Variants in DEGS2 observed in about 807,000 individuals in gnomAD.
DEGS2 encodes delta 4-desaturase, sphingolipid 2, also known as sphingolipid delta(4)-desaturase/C4-monooxygenase DES2.
DEGS2 carries 19 observed loss-of-function variants against 23.8 expected under a neutral mutation model. The ratio of observed to expected loss-of-function variants is 0.80; its 90% CI spans 0.56 to 1.17. DEGS2 has a LOEUF of 1.17. Among genes scored for constraint, DEGS2 ranks in the 50% most tolerant of loss-of-function variants. DEGS2 has a pLI of 0.00. For synonymous variants in DEGS2, 218 were observed against 213.7 expected (o/e 1.02, Z -0.18); for missense variants, 390 against 459.5 (o/e 0.85, Z 1.38).
Position 100,147,056 on chromosome 14 carries a change from CAT to C in DEGS2, c.826-151_826-150del, listed in dbSNP as rs757260247. ...GCGCGCGCGCACACCCACACACACA[CAT>C]GGGTGTACATAATGCAAACACACCG... On this transcript the variant is annotated intron_variant, in intron 2 of 2. Transcript: ENST00000305631. 853 of 874,370 alleles carry C rather than the reference CAT, an allele frequency of 9.8e-4. 2 individuals are homozygous for C. Among genetic ancestry groups the C allele is most frequent in the Middle Eastern group, 3.3e-3 (10 of 2,994 alleles). 54.2% of individuals were successfully genotyped at this position (874,370 alleles called of 1,614,324 possible). A position where few individuals can be genotyped will look rare whatever the true frequency, so the allele number is the denominator to read the frequency against.
intron 1 of DEGS2, among the ~76,000 whole-genome samples, chr14:100,155,893 C>G (rs567066422): frequency 6.6e-6 from 1 of 152,140 alleles, no homozygotes; most frequent in Non-Finnish European, 1.5e-5. Context: ...GAGCTTGCCT[C>G]TTACTCCACC....
At position 100,156,591 on chromosome 14, in the gene DEGS2, T is replaced by A. The variant is rs1046091065; in HGVS notation, c.82+2915A>T. ...GACTCACCCGTGGCTAATAAGTGGG[T>A]GTCAGGGTCCTTGCCAGGGGTTCAG... On this transcript the variant is annotated intron_variant, in intron 1 of 2. Transcript: ENST00000305631. 8.5e-5 allele frequency among the ~76,000 whole-genome samples: 13 copies of A among 152,132 alleles called. 1 individual carries two copies. The highest frequency in any genetic ancestry group is 6.6e-4 in the Admixed American group (10 of 15,264).
intron 1 of DEGS2, among the ~76,000 whole-genome samples, chr14:100,154,666 G>GC (rs1161357001): frequency 6.6e-6 from 1 of 152,246 alleles, no homozygotes; most frequent in Non-Finnish European, 1.5e-5. Context: ...CCAGCCCAAA[G>GC]CCCCCTGCAC....
rs1240993543 is a variant in DEGS2, at chr14:100,148,855, G to A, written c.825+113C>T. 4.7e-6 allele frequency: 6 copies of A among 1,274,950 alleles called. No individual in the cohort carries two copies. The African/African-American group carries it at 6.0e-5, about 13-fold the overall frequency. The allele number at this position is 1,274,950 out of a possible 1,614,324, so 79.0% of individuals were successfully genotyped here. A position where few individuals can be genotyped will look rare whatever the true frequency, so the allele number is the denominator to read the frequency against. On this transcript the variant is annotated intron_variant, in intron 2 of 2. Coordinates refer to ENST00000305631, the MANE Select transcript of DEGS2 (RefSeq NM_206918.3). ...AGTGCAAGTGGCCATGCCATGACTA[G>A]CACAAAAAGGGAGAGGCTGCTGGGC... is the stretch of plus-strand genomic sequence containing the variant.
chr14:100,160,700 T>C (rs1889736177), upstream of DEGS2, among the ~76,000 whole-genome samples: 1 of 152,198 alleles, frequency 6.6e-6, no homozygotes, highest in East Asian at 1.9e-4. Context: ...CGTGCTTCTG[T>C]GCGTCCCATG....
chr14:100,161,977 G>A (rs1418907702), upstream of DEGS2, among the ~76,000 whole-genome samples: 2 of 152,044 alleles, frequency 1.3e-5, no homozygotes, highest in Admixed American at 1.3e-4. Flanking sequence ...GCTTGAACCT[G>A]GGAGGCAGAG....
At chr14:100,159,345 G>A (rs1238996127) in intron 1 of DEGS2, among the ~76,000 whole-genome samples, 161 bp downstream of exon 1, 1 of 152,202 alleles carries the variant, frequency 6.6e-6, no homozygotes, top group Non-Finnish European at 1.5e-5. Flanking sequence ...GGACCCTCGG[G>A]GAGCCGGCCG....
chr14:100,160,427 G>C (rs116432471), upstream of DEGS2, among the ~76,000 whole-genome samples: 2 of 152,220 alleles, frequency 1.3e-5, no homozygotes, highest in African/African-American at 4.8e-5. Flanking sequence ...ATTGGTGCTA[G>C]GGGGAACAGC....
chr14:100,152,913 G>C (rs1889597156), intron 1 of DEGS2, among the ~76,000 whole-genome samples: 1 of 146,056 alleles, frequency 6.8e-6, no homozygotes, highest in Non-Finnish European at 1.5e-5. Flanking sequence ...AGGAAAGAAG[G>C]AAGGGAGGGA....
intron 1 of DEGS2, among the ~76,000 whole-genome samples, chr14:100,151,560 C>G (rs907007521): frequency 1.3e-5 from 2 of 152,178 alleles, no homozygotes; most frequent in African/African-American, 4.8e-5. Context: ...TCAGGGAGCC[C>G]GAGACACCCA....
At chr14:100,158,948 C>G (rs932054330) in intron 1 of DEGS2, among the ~76,000 whole-genome samples, 1 of 152,242 alleles carries the variant, frequency 6.6e-6, no homozygotes, top group Non-Finnish European at 1.5e-5. Context: ...TAGAAGGATT[C>G]TTTAGTACAA....
At chr14:100,159,476 C>T in intron 1 of DEGS2, 30 bp downstream of exon 1, 1 of 1,456,826 alleles carries the variant, frequency 6.9e-7, no homozygotes, top group South Asian at 1.3e-5. Flanking sequence ...GGGGCGGTCC[C>T]CACCGGGGTG....
upstream of DEGS2, among the ~76,000 whole-genome samples, chr14:100,161,096 G>A (rs1889740766): frequency 6.6e-6 from 1 of 152,224 alleles, no homozygotes; most frequent in Admixed American, 6.5e-5. Context: ...AGGCACAGAG[G>A]AATTAACAGC....
rs184802889 is a variant in DEGS2 at position 100,156,936 on chromosome 14, G to A, written c.82+2570C>T. 4.3e-3 allele frequency among the ~76,000 whole-genome samples: 657 copies of A among 152,310 alleles called. 3 individuals are homozygous for A. The highest frequency in any genetic ancestry group is 0.012 in the African/African-American group (511 of 41,572). On this transcript the variant is annotated intron_variant, in intron 1 of 2. Transcript: ENST00000305631. Reference sequence around the variant, plus strand: ...GCTTCCGCCCTGCAGGAAAGGGAGCGTGGACCAAGCTGGAGGGCCCGCCCT... The same window carrying A: ...GCTTCCGCCCTGCAGGAAAGGGAGCATGGACCAAGCTGGAGGGCCCGCCCT...
intron 1 of DEGS2, among the ~76,000 whole-genome samples, chr14:100,154,704 C>T (rs1180494190): frequency 6.6e-6 from 1 of 152,252 alleles, no homozygotes; most frequent in Non-Finnish European, 1.5e-5. Context: ...CACCCTGGTG[C>T]GACTCTGATG....
chr14:100,152,552 C>T (rs1226297376), intron 1 of DEGS2, among the ~76,000 whole-genome samples: 1 of 152,198 alleles, frequency 6.6e-6, no homozygotes, highest in African/African-American at 2.4e-5. Flanking sequence ...CTTTCCCTCC[C>T]TCTCTCCTCC....
rs1595272729 is a variant in DEGS2 at position 100,146,561 on chromosome 14, C to T, written c.*200G>A. ...GGAGGCCCAGAAAGGGAGGGCCACA[C>T]TCAAGGTCCAGGGCAAGTCCACGTG... On this transcript the variant is annotated 3_prime_UTR_variant, in exon 3 of 3. Transcript: ENST00000305631. 4.3e-6 allele frequency: 3 copies of T among 703,078 alleles called. No individual in the cohort carries two copies. The African/African-American group carries it at 5.5e-5, about 13-fold the overall frequency. 43.6% of individuals were successfully genotyped at this position (703,078 alleles called of 1,614,324 possible). A position where few individuals can be genotyped will look rare whatever the true frequency, so the allele number is the denominator to read the frequency against.
rs1218763686 is a variant in DEGS2 at position 100,144,627 on chromosome 14, A to G, written c.*2134T>C. On this transcript the variant is annotated 3_prime_UTR_variant, in exon 3 of 3. Coordinates refer to ENST00000305631, the MANE Select transcript of DEGS2 (RefSeq NM_206918.3). ...GCTTTGCCTTCTCCTCGGCCCCACAAAGTCTCCTGGGAGGACCACCTGGCC... is the reference window on the plus strand; with the variant it reads ...GCTTTGCCTTCTCCTCGGCCCCACAGAGTCTCCTGGGAGGACCACCTGGCC... 2 of 152,358 alleles carry G rather than the reference A, an allele frequency of 1.3e-5. No homozygotes were observed. The highest frequency in any genetic ancestry group is 4.8e-5 in the African/African-American group (2 of 41,454). The allele number at this position is 152,358 out of a possible 1,614,324, so 9.4% of individuals were successfully genotyped here. A position where few individuals can be genotyped will look rare whatever the true frequency, so the allele number is the denominator to read the frequency against.
chr14:100,146,797 C>T lies in DEGS2; in HGVS notation c.936G>A (p.Val312=). ...CTTTTGCCAGCCTGTACACCCGCTT[C>T]ACCCTGGCATAGGGCCCCAGGGAGT... The part of the protein sequence containing the change: ...FEDSLGPYAR[V]KRVYRLAKDG... The change falls in exon 3 of 3, where the codon GTG becomes GTA. Residue 312 remains valine (V), a synonymous_variant. Transcript: ENST00000305631. The T allele has an allele frequency of 1.2e-6, 2 of 1,613,850 alleles. No homozygotes were observed. Among genetic ancestry groups the T allele is most frequent in the Non-Finnish European group, 1.7e-6 (2 of 1,179,912 alleles).
Sources: gnomAD v4.1 joint callset for allele counts (sites outside exome capture counted in the v4.1 genomes callset) on GRCh38, gnomAD v4.1.1 for gene constraint, MANE v1.5 for transcripts, NCBI Gene and HGNC (gene_info 2026-07-23, HGNC 2026-07-21) for gene names.